The following CLYBL variants were observed in gnomAD, a reference collection of about 807,000 sequenced individuals.
The protein encoded by CLYBL is citramalyl-CoA lyase, also known as citramalyl-CoA lyase, mitochondrial.
A neutral mutation model predicts 38.9 loss-of-function variants in CLYBL; 31 were observed. The ratio of observed to expected loss-of-function variants is 0.80; its 90% CI spans 0.60 to 1.08. The LOEUF (loss-of-function observed/expected upper bound fraction) is 1.08. Among genes scored for constraint, CLYBL ranks in the 50% least tolerant of loss-of-function variants. The pLI, the probability that CLYBL is intolerant of heterozygous loss-of-function variation, is 0.00. For synonymous variants in CLYBL, 171 were observed against 158.6 expected (o/e 1.08, Z -0.59); for missense variants, 434 against 411.6 (o/e 1.05, Z -0.47).
intron 1 of CLYBL, among the ~76,000 whole-genome samples, chr13:99,758,367 A>G (rs1362377936): frequency 6.6e-6 from 1 of 152,214 alleles, no homozygotes; most frequent in Non-Finnish European, 1.5e-5. Flanking sequence ...AGAACTCACC[A>G]TAAGGCTACC....
intron 1 of CLYBL, among the ~76,000 whole-genome samples, chr13:99,639,482 G>A (rs73562293): frequency 3.4e-4 from 52 of 152,308 alleles, no homozygotes; most frequent in African/African-American, 1.2e-3. Context: ...TTAAAGGAGT[G>A]CTCCGATGGT....
chr13:99,832,957 G>T (rs1234314249), intron 2 of CLYBL, among the ~76,000 whole-genome samples: 1 of 132,380 alleles, frequency 7.6e-6, no homozygotes, highest in Non-Finnish European at 1.6e-5. Context: ...AAGAGATTTT[G>T]AAGTATTGTC....
chr13:99,740,608 G>A (rs755234694), intron 1 of CLYBL, among the ~76,000 whole-genome samples: 6 of 152,136 alleles, frequency 3.9e-5, no homozygotes, highest in Non-Finnish European at 5.9e-5. Flanking sequence ...GCGACTTGAC[G>A]CCCATATTAT....
intron 2 of CLYBL, among the ~76,000 whole-genome samples, chr13:99,829,063 C>A (rs979726411): frequency 6.6e-6 from 1 of 152,232 alleles, no homozygotes; most frequent in Non-Finnish European, 1.5e-5. Context: ...CATTCAGAAT[C>A]TGCATCAGGC....
chr13:99,879,949 G>T (rs1171862351), intron 7 of CLYBL, among the ~76,000 whole-genome samples: 2 of 151,780 alleles, frequency 1.3e-5, no homozygotes, highest in Non-Finnish European at 2.9e-5. Context: ...AACAGTAGTG[G>T]TGGCCATCAT....
At chr13:99,663,915 CAG>C (rs1396859848) in intron 1 of CLYBL, among the ~76,000 whole-genome samples, 1 of 152,194 alleles carries the variant, frequency 6.6e-6, no homozygotes, top group African/African-American at 2.4e-5. Context: ...GTGATGCAGA[CAG>C]AGATAAAACT....
chr13:99,735,389 C>T (rs2048651079), intron 1 of CLYBL, among the ~76,000 whole-genome samples: 1 of 151,962 alleles, frequency 6.6e-6, no homozygotes, highest in Admixed American at 6.6e-5. Context: ...GAGATGAGAT[C>T]TTTGCTATAT....
chr13:99,772,262 C>A (rs1481879517), intron 1 of CLYBL, among the ~76,000 whole-genome samples: 1 of 152,158 alleles, frequency 6.6e-6, no homozygotes, highest in Non-Finnish European at 1.5e-5. Flanking sequence ...TACATACACC[C>A]TCCTCTTTGT....
intron 2 of CLYBL, among the ~76,000 whole-genome samples, chr13:99,778,411 A>C (rs1320310496): frequency 6.6e-6 from 1 of 152,202 alleles, no homozygotes; most frequent in Non-Finnish European, 1.5e-5. Flanking sequence ...TCTTGGCATT[A>C]TTAAAATGTC....
chr13:99,827,646 T>A (rs2050721345), intron 2 of CLYBL, among the ~76,000 whole-genome samples: 1 of 152,192 alleles, frequency 6.6e-6, no homozygotes, highest in Non-Finnish European at 1.5e-5. Context: ...CCCTGCCACC[T>A]GGGGAGCCCC....
chr13:99,851,367 C>CAAAA (rs35539387), intron 2 of CLYBL, among the ~76,000 whole-genome samples: 4 of 63,092 alleles, frequency 6.3e-5, no homozygotes, highest in Admixed American at 2.2e-4. Context: ...AAGTCCACCT[C>CAAAA]AAAAAAAAAA....
At chr13:99,769,992 T>C (rs1029182108) in intron 1 of CLYBL, among the ~76,000 whole-genome samples, 1 of 152,228 alleles carries the variant, frequency 6.6e-6, no homozygotes, top group Non-Finnish European at 1.5e-5. Context: ...AGCTGACATA[T>C]ATATTTTTTA....
chr13:99,697,661 C>CTTTTT (rs1345788134), intron 1 of CLYBL, among the ~76,000 whole-genome samples: 2 of 135,638 alleles, frequency 1.5e-5, no homozygotes, highest in African/African-American at 2.7e-5. Flanking sequence ...TTCTTTCTTT[C>CTTTTT]TTTTTTTTTT....
Position 99,767,020 on chromosome 13 carries a change from C to T in CLYBL, c.63-5804C>T, listed in dbSNP as rs150728798. 2.0e-5 allele frequency among the ~76,000 whole-genome samples: 3 copies of T among 152,352 alleles called. No individual in the cohort carries two copies. In the South Asian group the frequency reaches 6.2e-4, roughly 32 times the overall value. On this transcript the variant is annotated intron_variant, in intron 1 of 8. Transcript: ENST00000339105. ...GGATATTTCTCCCTTCAGGCACTTG[C>T]GATGCTTCCCATGGATTAAGGCAGA...
At chr13:99,792,004 A>C (rs916640267) in intron 2 of CLYBL, among the ~76,000 whole-genome samples, 1 of 152,204 alleles carries the variant, frequency 6.6e-6, no homozygotes, top group Non-Finnish European at 1.5e-5. Context: ...CCACTTTTCC[A>C]CTTAAGCTCC....
intron 1 of CLYBL, among the ~76,000 whole-genome samples, chr13:99,669,411 A>AATCCC: frequency 6.6e-6 from 1 of 152,156 alleles, no homozygotes; most frequent in Non-Finnish European, 1.5e-5. Flanking sequence ...ATTTGCAAAA[A>AATCCC]TTCCACAAGC....
At chr13:99,631,477 C>T (rs1344233015) in intron 1 of CLYBL, among the ~76,000 whole-genome samples, 5 of 151,764 alleles carry the variant, frequency 3.3e-5, no homozygotes, top group African/African-American at 9.7e-5. Context: ...TCATTAAATA[C>T]AGGGATAGTC....
intron 1 of CLYBL, among the ~76,000 whole-genome samples, chr13:99,745,122 A>G (rs1328742393): frequency 6.6e-6 from 1 of 152,262 alleles, no homozygotes; most frequent in Non-Finnish European, 1.5e-5. Context: ...TTTTAAAGTC[A>G]GCTACCAAAT....
intron 2 of CLYBL, among the ~76,000 whole-genome samples, chr13:99,806,341 G>A (rs78131551): frequency 6.6e-6 from 1 of 152,104 alleles, no homozygotes; most frequent in African/African-American, 2.4e-5. Context: ...ATATATATAA[G>A]TATACTTAAT....
Sources: gnomAD v4.1 joint callset for allele counts (sites outside exome capture counted in the v4.1 genomes callset) on GRCh38, gnomAD v4.1.1 for gene constraint, MANE v1.5 for transcripts, NCBI Gene and HGNC (gene_info 2026-07-23, HGNC 2026-07-21) for gene names.